Variants in TRIM71 observed in about 807,000 individuals in gnomAD.
TRIM71 encodes E3 ubiquitin-protein ligase TRIM71.
Under a neutral mutation model 61.2 loss-of-function variants are expected in TRIM71, and 9 were observed. The ratio of observed to expected loss-of-function variants is 0.15; its 90% CI spans 0.09 to 0.26. The LOEUF (loss-of-function observed/expected upper bound fraction) is 0.26. TRIM71 is among the 10% of genes least tolerant of loss of function. The pLI is 1.00. For synonymous variants in TRIM71, 645 were observed against 553.2 expected (o/e 1.17, Z -2.33); for missense variants, 998 against 1,238.7 (o/e 0.81, Z 2.92).
chr3:32,896,489 CATT>C lies in TRIM71; in HGVS notation c.*4680_*4682del. The C allele has an allele frequency of 6.6e-6, 1 of 151,984 alleles. No individual in the cohort carries two copies. Among genetic ancestry groups the C allele is most frequent in the South Asian group, 2.1e-4 (1 of 4,808 alleles). 9.4% of individuals were successfully genotyped at this position (151,984 alleles called of 1,614,324 possible). ...AAATACTTGATAAAGTTGAGAAGCA[CATT>C]ACCAGGATATACTGTATTGACCCTC... On this transcript the variant is annotated 3_prime_UTR_variant, in exon 4 of 4. Transcript: ENST00000383763.
intron 2 of TRIM71, among the ~76,000 whole-genome samples, chr3:32,874,327 C>T (rs79336682): frequency 0.026 from 1,406 of 54,292 alleles, 19 homozygotes; most frequent in East Asian, 0.19. Context: ...ATGCTTATTA[C>T]TACTACTACT....
At chr3:32,851,407 A>G (rs1348241949) in intron 1 of TRIM71, among the ~76,000 whole-genome samples, 1 of 152,222 alleles carries the variant, frequency 6.6e-6, no homozygotes, top group Non-Finnish European at 1.5e-5. Flanking sequence ...AAGTTCTTTG[A>G]AGACTTAGCG....
chr3:32,818,647 G>T lies in TRIM71; in HGVS notation c.567G>T (p.Ser189=). ...CCGGCGGCCCTGCCGCTTCCCCGTC[G>T]GCGCTGCTGCTCCGCCGTCCTCACG... ...SAPGGPAASP[S]ALLLRRPHGC... The change falls in exon 1 of 4, where the codon TCG becomes TCT. Residue 189 remains serine (S), a synonymous_variant. Transcript: ENST00000383763. 6.8e-7 allele frequency: 1 copy of T among 1,472,140 alleles called. No individual in the cohort carries two copies. The highest frequency in any genetic ancestry group is 2.9e-5 in the East Asian group (1 of 33,932). 91.2% of individuals were successfully genotyped at this position (1,472,140 alleles called of 1,614,324 possible).
chr3:32,892,033 G>T lies in TRIM71; in HGVS notation c.*222G>T. The T allele has an allele frequency of 1.7e-6, 1 of 576,494 alleles. No homozygotes were observed. Among genetic ancestry groups the T allele is most frequent in the Non-Finnish European group, 2.8e-6 (1 of 358,874 alleles). The allele number at this position is 576,494 out of a possible 1,614,324, so 35.7% of individuals were successfully genotyped here. A position where few individuals can be genotyped will look rare whatever the true frequency, so the allele number is the denominator to read the frequency against. On this transcript the variant is annotated 3_prime_UTR_variant, in exon 4 of 4. Transcript: ENST00000383763. Reference sequence around the variant, plus strand: ...ATGAATGTACTTATCTTTTCTGCAGGGATTGAGCCTGTGAAGTGATAATTT... The same window carrying T: ...ATGAATGTACTTATCTTTTCTGCAGTGATTGAGCCTGTGAAGTGATAATTT...
chr3:32,893,436 G>A lies in TRIM71; in HGVS notation c.*1625G>A, dbSNP rs749583612. ...TTGTCTGTCTTTCAAGTGCAAAGCAGATGTAGCTGATACCCTGCTTGTCAG... is the reference window on the plus strand; with the variant it reads ...TTGTCTGTCTTTCAAGTGCAAAGCAAATGTAGCTGATACCCTGCTTGTCAG... On this transcript the variant is annotated 3_prime_UTR_variant, in exon 4 of 4. Coordinates refer to ENST00000383763, the MANE Select transcript of TRIM71 (RefSeq NM_001039111.3). 2.0e-5 allele frequency: 3 copies of A among 152,188 alleles called. No homozygotes were observed. The highest frequency in any genetic ancestry group is 4.4e-5 in the Non-Finnish European group (3 of 68,050). 9.4% of individuals were successfully genotyped at this position (152,188 alleles called of 1,614,324 possible). A position where few individuals can be genotyped will look rare whatever the true frequency, so the allele number is the denominator to read the frequency against.
intron 1 of TRIM71, among the ~76,000 whole-genome samples, chr3:32,871,911 A>T (rs549403301): frequency 6.6e-6 from 1 of 152,366 alleles, no homozygotes; most frequent in South Asian, 2.1e-4. Context: ...TGGGAGGCCA[A>T]GGTGGGTGGA....
Position 32,818,916 on chromosome 3 carries a change from A to T in TRIM71, c.836A>T (p.Gln279Leu). The stretch of plus-strand genomic sequence containing the variant: ...TTTCCCGAGCGCCTCGGCTTCTGCC[A>T]GCACCACGACGACGAGGTGAGTGCG... ...SVFPERLGFC[Q>L]HHDDEVLHLY... The change falls in exon 1 of 4, where the codon CAG becomes CTG. Residue 279 changes from glutamine to leucine, a missense_variant. This residue lies in a region of TRIM71 where 291 missense variants were observed against 431.2 expected (regional missense o/e 0.67). Coordinates refer to ENST00000383763, the MANE Select transcript of TRIM71 (RefSeq NM_001039111.3). 6.2e-7 allele frequency: 1 copy of T among 1,612,390 alleles called. No homozygotes were observed. The highest frequency in any genetic ancestry group is 8.5e-7 in the Non-Finnish European group (1 of 1,179,782).
chr3:32,894,135 T>G lies in TRIM71; in HGVS notation c.*2324T>G, dbSNP rs1006907100. On this transcript the variant is annotated 3_prime_UTR_variant, in exon 4 of 4. Coordinates refer to ENST00000383763, the MANE Select transcript of TRIM71 (RefSeq NM_001039111.3). ...TACTGTTTTCTATTTTGGAGTAACT[T>G]GGTGCTGATCTTCCTTCCCTTTCCC... is the stretch of plus-strand genomic sequence containing the variant. 1.3e-5 allele frequency: 2 copies of G among 152,226 alleles called. No individual in the cohort carries two copies. Among genetic ancestry groups the G allele is most frequent in the Non-Finnish European group, 2.9e-5 (2 of 68,036 alleles). 9.4% of individuals were successfully genotyped at this position (152,226 alleles called of 1,614,324 possible). A position where few individuals can be genotyped will look rare whatever the true frequency, so the allele number is the denominator to read the frequency against.
At chr3:32,832,451 G>A (rs911041382) in intron 1 of TRIM71, among the ~76,000 whole-genome samples, 3 of 152,196 alleles carry the variant, frequency 2.0e-5, no homozygotes, top group Admixed American at 1.3e-4. Flanking sequence ...CTGGGCAACA[G>A]AGTGAGATCC....
At chr3:32,849,208 A>G (rs1201690785) in intron 1 of TRIM71, among the ~76,000 whole-genome samples, 2 of 152,178 alleles carry the variant, frequency 1.3e-5, no homozygotes, top group Non-Finnish European at 2.9e-5. Context: ...TGGAGCTACT[A>G]CTTGGTAGTT....
chr3:32,829,986 T>C (rs952744132), intron 1 of TRIM71, among the ~76,000 whole-genome samples: 1 of 149,952 alleles, frequency 6.7e-6, no homozygotes, highest in Non-Finnish European at 1.5e-5. Flanking sequence ...TGGAGTACAG[T>C]TGGCATTATC....
At chr3:32,889,772 G>C (rs1376845969) in intron 3 of TRIM71, among the ~76,000 whole-genome samples, 1 of 151,928 alleles carries the variant, frequency 6.6e-6, no homozygotes, top group Non-Finnish European at 1.5e-5. Flanking sequence ...GTTATTTTTA[G>C]TAGAGACAGG....
Position 32,890,856 on chromosome 3 carries a change from G to A in TRIM71, c.1652G>A (p.Ser551Asn). The stretch of plus-strand genomic sequence containing the variant: ...CAGCAGAATGGGACATACGTGGTGA[G>A]TTACCGACCCCAGCTGGAGGGTGAG... ...SDQQNGTYVV[S>N]YRPQLEGEHL... The change falls in exon 4 of 4, where the codon AGT becomes AAT. Residue 551 changes from serine (S) to asparagine (N), a missense_variant. Physicochemically the swap from Ser to Asn is conservative, Grantham distance 46. This residue lies in a region of TRIM71 where 291 missense variants were observed against 431.2 expected (regional missense o/e 0.67). Transcript: ENST00000383763. The surrounding 1 kb of genome is among the most constrained non-coding windows in gnomAD (Gnocchi z 6.2). The A allele has an allele frequency of 6.2e-7, 1 of 1,614,224 alleles. No homozygotes were observed. Among genetic ancestry groups the A allele is most frequent in the Middle Eastern group, 1.6e-4 (1 of 6,062 alleles).
At chr3:32,851,956 G>T (rs1319456669) in intron 1 of TRIM71, among the ~76,000 whole-genome samples, 1 of 152,212 alleles carries the variant, frequency 6.6e-6, no homozygotes, top group African/African-American at 2.4e-5. Flanking sequence ...GCTTTCTTTT[G>T]TGGGGTAGGC....
chr3:32,897,413 C>T lies in TRIM71; in HGVS notation c.*5602C>T, dbSNP rs1051733549. 2.0e-5 allele frequency: 3 copies of T among 152,088 alleles called. No homozygotes were observed. Among genetic ancestry groups the T allele is most frequent in the East Asian group, 1.9e-4 (1 of 5,194 alleles). The allele number at this position is 152,088 out of a possible 1,614,324, so 9.4% of individuals were successfully genotyped here. ...TTTGCCACTTTTAAATGGGCACTGCCGTGGTAATGTGAATCCCATCAATGC... is the reference window on the plus strand; with the variant it reads ...TTTGCCACTTTTAAATGGGCACTGCTGTGGTAATGTGAATCCCATCAATGC... On this transcript the variant is annotated 3_prime_UTR_variant, in exon 4 of 4. Transcript: ENST00000383763.
chr3:32,855,565 G>T (rs958565876), intron 1 of TRIM71, among the ~76,000 whole-genome samples: 3 of 152,178 alleles, frequency 2.0e-5, no homozygotes, highest in Non-Finnish European at 4.4e-5. Context: ...ACACACTAGG[G>T]CAGGAAGGAG....
chr3:32,818,547 C>G lies in TRIM71; in HGVS notation c.467C>G (p.Ala156Gly). 7.9e-7 allele frequency: 1 copy of G among 1,269,730 alleles called. No individual in the cohort carries two copies. The highest frequency in any genetic ancestry group is 9.9e-7 in the Non-Finnish European group (1 of 1,014,800). The allele number at this position is 1,269,730 out of a possible 1,614,324, so 78.7% of individuals were successfully genotyped here. Residue 156 changes from alanine (A) to glycine (G), a missense_variant, in exon 1 of 4, where the codon GCG becomes GGG. Ala to Gly is a moderately conservative substitution (Grantham distance 60). Transcript: ENST00000383763. ...HSNHRHHAHH[A>G]HPRASASAPP... Reference sequence around the variant, plus strand: ...AACCACCGGCACCACGCTCACCACGCGCACCCGCGCGCGTCCGCCTCCGCG... The same window carrying G: ...AACCACCGGCACCACGCTCACCACGGGCACCCGCGCGCGTCCGCCTCCGCG...
chr3:32,860,435 C>T (rs141327646), intron 1 of TRIM71, among the ~76,000 whole-genome samples: 2,042 of 152,142 alleles, frequency 0.013, 55 homozygotes, highest in African/African-American at 0.047. Context: ...GGATTACAGA[C>T]GTGAGCTACT....
At chr3:32,846,072 CTTTTTT>C (rs35520432) in intron 1 of TRIM71, among the ~76,000 whole-genome samples, 1 of 92,758 alleles carries the variant, frequency 1.1e-5, no homozygotes, top group Admixed American at 1.2e-4. Flanking sequence ...TGGTAAGCCA[CTTTTTT>C]TTTTTTTTTT....
Sources: gnomAD v4.1 joint callset for allele counts (sites outside exome capture counted in the v4.1 genomes callset) on GRCh38, gnomAD v4.1.1 for gene constraint, gnomAD v4.1.1 regional missense constraint, Gnocchi (gnomAD v3.1) non-coding constraint, MANE v1.5 for transcripts, NCBI Gene and HGNC (gene_info 2026-07-23, HGNC 2026-07-21) for gene names.